The following PDXDC1 variants were observed in gnomAD, a reference collection of about 807,000 sequenced individuals.
PDXDC1 encodes the protein pyridoxal-dependent decarboxylase domain-containing protein 1.
A neutral mutation model predicts 100.1 loss-of-function variants in PDXDC1; 42 were observed. That is an observed-to-expected ratio of 0.42 (90% confidence interval 0.33 to 0.54). The LOEUF (loss-of-function observed/expected upper bound fraction) is 0.54. Among genes scored for constraint, PDXDC1 ranks in the 20% least tolerant of loss-of-function variants. The pLI, the probability that PDXDC1 is intolerant of heterozygous loss-of-function variation, is 0.10. For missense variants in PDXDC1, 636 were observed against 979.2 expected, an observed-to-expected ratio of 0.65 and a Z score of 4.68; for synonymous variants, 260 against 371.7, an observed-to-expected ratio of 0.70 and a Z score of 3.46.
chr16:15,049,018 C>A (rs1215892696), intron 16 of PDXDC1, among the ~76,000 whole-genome samples: 5 of 127,206 alleles, frequency 3.9e-5, no homozygotes, highest in Admixed American at 3.2e-4. Context: ...CCTGGCCTCC[C>A]AAAGTGCTGG....
chr16:15,104,296 C>T, intron 16 of PDXDC1: 1 of 1,484,240 alleles, frequency 6.7e-7, no homozygotes, highest in Non-Finnish European at 9.0e-7. Context: ...AAAGCAATAA[C>T]ATAAGGACTG....
At position 15,031,854 on chromosome 16, in the gene PDXDC1, G is replaced by C; in HGVS notation, c.1519G>C (p.Ala507Pro). The C allele has an allele frequency of 6.2e-7, 1 of 1,613,978 alleles. No individual in the cohort carries two copies. The highest frequency in any genetic ancestry group is 1.3e-5 in the African/African-American group (1 of 75,030). Residue 507 changes from alanine to proline, a missense_variant, in exon 17 of 23, where the codon GCA becomes CCA. Physicochemically the swap from Ala to Pro is conservative, Grantham distance 27. Transcript: ENST00000396410. ...GTTCAAGCAGGAAGTGGAAGCAACA[G>C]CAGGTCTCCTATATGTTGATGACCC... is the stretch of plus-strand genomic sequence containing the variant. ...EEFKQEVEAT[A>P]GLLYVDDPNW...
At chr16:14,978,722 T>G (rs1197604531) in intron 1 of PDXDC1, among the ~76,000 whole-genome samples, 17 of 152,296 alleles carry the variant, frequency 1.1e-4, no homozygotes, top group Non-Finnish European at 2.2e-4. Flanking sequence ...ACTTGTAGAA[T>G]AGCCCAGACC....
At position 15,006,376 on chromosome 16, in the gene PDXDC1, A is replaced by G; in HGVS notation, c.390-18A>G. On this transcript the variant is annotated intron_variant, in intron 5 of 22. Transcript: ENST00000396410. The stretch of plus-strand genomic sequence containing the variant: ...CTTAACTAGAAATAAGAGCATATTA[A>G]TATGTATCTCTTAACAGATATGAAA... 3 of 1,536,054 alleles carry G rather than the reference A, an allele frequency of 2.0e-6. No homozygotes were observed. Among genetic ancestry groups the G allele is most frequent in the East Asian group, 4.7e-5 (2 of 42,824 alleles).
At chr16:15,117,412 G>A (rs1373432865) in intron 16 of PDXDC1, among the ~76,000 whole-genome samples, 2 of 146,390 alleles carry the variant, frequency 1.4e-5, no homozygotes, top group East Asian at 2.0e-4. Flanking sequence ...TGTAATCCCA[G>A]CACTGGGAGG....
chr16:15,064,910 T>C (rs2044893910), intron 16 of PDXDC1, among the ~76,000 whole-genome samples: 1 of 152,176 alleles, frequency 6.6e-6, no homozygotes, highest in Admixed American at 6.5e-5. Flanking sequence ...CTCACGCCTG[T>C]AATCCCAGCA....
intron 16 of PDXDC1, chr16:15,104,343 T>C: frequency 6.3e-7 from 1 of 1,592,196 alleles, no homozygotes; most frequent in Non-Finnish European, 8.5e-7. Context: ...TTATTTATTC[T>C]TCGTTAGTTT....
At chr16:15,092,718 G>T (rs2151829727) in intron 16 of PDXDC1, 2 of 756,158 alleles carry the variant, frequency 2.6e-6, no homozygotes, top group Admixed American at 2.3e-5. Context: ...TATTGTTAAG[G>T]CCTCTTTACT....
chr16:15,088,225 C>T (rs1239070884), intron 16 of PDXDC1, among the ~76,000 whole-genome samples: 3 of 152,114 alleles, frequency 2.0e-5, no homozygotes, highest in Admixed American at 2.0e-4. Context: ...GTAATCCCAG[C>T]ACTTTTGGGA....
At chr16:15,044,702 G>A (rs1034842930) in intron 16 of PDXDC1, 23 of 451,286 alleles carry the variant, frequency 5.1e-5, no homozygotes, top group African/African-American at 4.3e-4. Flanking sequence ...CACAGGCACA[G>A]GACAGGTGCA....
At position 15,006,154 on chromosome 16, in the gene PDXDC1, A is replaced by G. The variant is rs1974205242; in HGVS notation, c.390-240A>G. 7.9e-5 allele frequency among the ~76,000 whole-genome samples: 12 copies of G among 152,390 alleles called. No homozygotes were observed. In the South Asian group the frequency reaches 2.5e-3, roughly 32 times the overall value. ...GAATTCCTGGTCTCTACTTGTTTTCATAGTTTCTGCTCTTTATGGAATTGG... is the reference window on the plus strand; with the variant it reads ...GAATTCCTGGTCTCTACTTGTTTTCGTAGTTTCTGCTCTTTATGGAATTGG... On this transcript the variant is annotated intron_variant, in intron 5 of 22. Transcript: ENST00000396410.
rs150620213 is a variant in PDXDC1, at chr16:15,076,611, T to C, written c.1399+46555T>C. 1.2e-5 allele frequency: 20 copies of C among 1,613,236 alleles called. No homozygotes were observed. In the African/African-American group the frequency reaches 2.3e-4, roughly 18 times the overall value. ...GTCCCACCACAAGTTTGAGTTGCTG[T>C]TTCTTCAGCATCTTCAATACCCTGC... On this transcript the variant is annotated intron_variant, in intron 16 of 16. Transcript: ENST00000535621.
chr16:15,064,544 T>C (rs2044872034), intron 16 of PDXDC1, among the ~76,000 whole-genome samples: 1 of 152,146 alleles, frequency 6.6e-6, no homozygotes, highest in Non-Finnish European at 1.5e-5. Context: ...AACAAGACAC[T>C]TGGCAGAAAA....
In PDXDC1 at chr16:15,038,004, G is replaced by T; in HGVS notation, c.*1729G>T. On this transcript the variant is annotated 3_prime_UTR_variant, in exon 23 of 23. Coordinates refer to ENST00000396410, the MANE Select transcript of PDXDC1 (RefSeq NM_015027.4). ...CACCAATGGTCTGTCAGGCCAAGAA[G>T]GTGCTTTCTTTGGTAATTCATGTTT... is the stretch of plus-strand genomic sequence containing the variant. The T allele has an allele frequency of 6.3e-7, 1 of 1,579,082 alleles. No individual in the cohort carries two copies. The highest frequency in any genetic ancestry group is 8.7e-7 in the Non-Finnish European group (1 of 1,153,058).
At chr16:15,041,208 C>A, downstream of PDXDC1, 6 of 887,898 alleles carry the variant, frequency 6.8e-6, no homozygotes, top group South Asian at 8.1e-5. Context: ...GAAGGAGGAG[C>A]TCCTCGATGC....
rs1404171147 is a variant in PDXDC1 at position 14,998,361 on chromosome 16, A to T, written c.117A>T (p.Gly39=). 2.0e-5 allele frequency: 33 copies of T among 1,613,130 alleles called. No individual in the cohort carries two copies. Among genetic ancestry groups the T allele is most frequent in the Non-Finnish European group, 2.5e-5 (30 of 1,179,828 alleles). The change falls in exon 3 of 23, where the codon GGA becomes GGT. Residue 39 remains glycine (G), a synonymous_variant. Coordinates refer to ENST00000396410, the MANE Select transcript of PDXDC1 (RefSeq NM_015027.4). ...TTAGAAGAACAGAAGAGGAAAATGG[A>T]AAGAAGCTCATATCCGGAGATATTC... ...DSQRRTEEEN[G]KKLISGDIPG...
chr16:14,985,994 A>G (rs1351972560), intron 1 of PDXDC1, among the ~76,000 whole-genome samples: 1 of 152,280 alleles, frequency 6.6e-6, no homozygotes, highest in Non-Finnish European at 1.5e-5. Flanking sequence ...ATGTCTGCTC[A>G]GGGGGCTGAG....
chr16:15,130,592 T>C (rs752685515), intron 16 of PDXDC1: 3 of 1,354,166 alleles, frequency 2.2e-6, no homozygotes, highest in African/African-American at 2.8e-5. Context: ...TGCTGACCCA[T>C]GATGCCCTGC....
intron 16 of PDXDC1, among the ~76,000 whole-genome samples, chr16:15,075,181 G>C (rs2045398655): frequency 6.6e-6 from 1 of 151,588 alleles, no homozygotes; most frequent in Admixed American, 6.6e-5. Context: ...ACTGGGAGGT[G>C]GAGGAGGCTA....
Sources: allele counts gnomAD v4.1 joint callset (sites outside exome capture counted in the v4.1 genomes callset), GRCh38; gene constraint gnomAD v4.1.1; transcripts MANE v1.5; gene names NCBI Gene and HGNC (gene_info 2026-07-23, HGNC 2026-07-21).